The following DNAH8 variants were observed in gnomAD, a reference collection of about 807,000 sequenced individuals.
The protein encoded by DNAH8 is axonemal beta dynein heavy chain 8.
In DNAH8, 382 loss-of-function variants were observed where a neutral mutation model predicts 562.1. The ratio of observed to expected loss-of-function variants is 0.68; its 90% CI spans 0.63 to 0.74. The LOEUF is 0.74. DNAH8 is among the 30% of genes least tolerant of loss of function. DNAH8 has a pLI of 0.00. For synonymous variants in DNAH8, 1,881 were observed against 1,919.4 expected (o/e 0.98, Z 0.52); for missense variants, 5,203 against 5,620.4 (o/e 0.93, Z 2.37).
At chr6:38,869,148 A>C (rs76601092) in intron 48 of DNAH8, among the ~76,000 whole-genome samples, 1 of 152,148 alleles carries the variant, frequency 6.6e-6, no homozygotes, top group Admixed American at 6.5e-5. Flanking sequence ...TAGTGTTACA[A>C]AGTCTTTTCA....
chr6:38,873,453 A>T, intron 52 of DNAH8, 77 bp downstream of exon 52: 1 of 1,322,244 alleles, frequency 7.6e-7, no homozygotes, highest in Non-Finnish European at 1.0e-6. Flanking sequence ...AGCCATCTGA[A>T]ATAGAAAGTT....
chr6:38,955,063 G>T (rs562049957), intron 82 of DNAH8, among the ~76,000 whole-genome samples: 1 of 152,100 alleles, frequency 6.6e-6, no homozygotes, highest in Non-Finnish European at 1.5e-5. Flanking sequence ...GACCTCCCAG[G>T]CTCAAGTGAT....
chr6:38,895,953 T>G, intron 59 of DNAH8, 80 bp from the exon 60 acceptor site: 1 of 1,225,972 alleles, frequency 8.2e-7, no homozygotes, highest in Non-Finnish European at 1.2e-6. Flanking sequence ...AGGGTGGGGC[T>G]GAGAAGAGGC....
chr6:39,011,736 C>A (rs1169928585), intron 89 of DNAH8, among the ~76,000 whole-genome samples: 1 of 152,182 alleles, frequency 6.6e-6, no homozygotes, highest in African/African-American at 2.4e-5. Context: ...GCTAAGGCAA[C>A]AATGATCTTT....
In DNAH8 at chr6:38,737,836, T is replaced by C; in HGVS notation, c.980T>C (p.Val327Ala). 6.4e-7 allele frequency: 1 copy of C among 1,559,898 alleles called. No homozygotes were observed. The highest frequency in any genetic ancestry group is 1.2e-5 in the South Asian group (1 of 82,174). The change falls in exon 7 of 93, where the codon GTG (valine) becomes GCG (alanine). Residue 327 changes from valine to alanine, a missense_variant. By Grantham distance (64) the Val-to-Ala change is moderately conservative (BLOSUM62 0). Coordinates refer to ENST00000327475, the MANE Select transcript of DNAH8 (RefSeq NM_001206927.2). Reference protein sequence around the residue: ...DGARISIEGTVKLKTIDNVNF... With the variant: ...DGARISIEGTAKLKTIDNVNF... ...GCTAGAATAAGTATTGAGGGAACAG[T>C]GAAGTTAAAGACAATAGACAATGTT...
intron 18 of DNAH8, among the ~76,000 whole-genome samples, chr6:38,789,014 G>T (rs966359948): frequency 1.3e-5 from 2 of 152,098 alleles, no homozygotes; most frequent in Non-Finnish European, 2.9e-5. Flanking sequence ...TTTTTTACTG[G>T]CTAGCTGTGA....
At chr6:38,906,212 T>C in intron 62 of DNAH8, 42 bp from the exon 63 acceptor site, 1 of 1,397,476 alleles carries the variant, frequency 7.2e-7, no homozygotes, top group Non-Finnish European at 9.9e-7. Flanking sequence ...CAGCCGACTA[T>C]ATATTTTTTA....
At chr6:38,923,767 G>A (rs1265315589) in intron 72 of DNAH8, among the ~76,000 whole-genome samples, 1 of 152,120 alleles carries the variant, frequency 6.6e-6, no homozygotes, top group Non-Finnish European at 1.5e-5. Context: ...GGCTTCAGGA[G>A]GAAGCCTTCT....
At chr6:38,949,654 T>TGAG in intron 81 of DNAH8, 84 bp downstream of exon 81, 1 of 797,884 alleles carries the variant, frequency 1.3e-6, no homozygotes, top group Non-Finnish European at 2.1e-6. Flanking sequence ...TTTACTTCAC[T>TGAG]ATATCACTGT....
intron 65 of DNAH8, among the ~76,000 whole-genome samples, chr6:38,911,038 G>A (rs1780852575): frequency 6.6e-6 from 1 of 152,210 alleles, no homozygotes; most frequent in Admixed American, 6.5e-5. Context: ...CAGCAGTGAA[G>A]AGGTTGTAAC....
intron 86 of DNAH8, among the ~76,000 whole-genome samples, chr6:38,983,619 C>A (rs1764179548): frequency 6.6e-6 from 1 of 152,040 alleles, no homozygotes; most frequent in South Asian, 2.1e-4. Context: ...TCAAATGTAT[C>A]AAGGGTTTAA....
chr6:38,861,252 C>T (rs1282728136), intron 43 of DNAH8, among the ~76,000 whole-genome samples: 3 of 152,196 alleles, frequency 2.0e-5, no homozygotes, highest in Non-Finnish European at 2.9e-5. Context: ...TCTTCAGCCT[C>T]CTTTTGATTT....
chr6:39,002,613 A>T (rs1318453671), intron 88 of DNAH8, among the ~76,000 whole-genome samples: 2 of 152,198 alleles, frequency 1.3e-5, no homozygotes, highest in Admixed American at 6.5e-5. Flanking sequence ...AACTTTTAAG[A>T]TAAGTGTCTT....
At chr6:38,842,633 G>A (rs1774909655) in intron 34 of DNAH8, 30 bp from the exon 35 acceptor site, 6 of 1,602,364 alleles carry the variant, frequency 3.7e-6, no homozygotes, top group South Asian at 1.1e-5. Flanking sequence ...TGTGAAGGTG[G>A]CATATTTTTT....
chr6:38,872,384 T>C, intron 49 of DNAH8, 152 bp from the exon 50 acceptor site: 1 of 755,998 alleles, frequency 1.3e-6, no homozygotes, highest in Non-Finnish European at 2.1e-6. Context: ...GCTATGCACA[T>C]CTAGTAAAAC....
At chr6:38,723,594 G>C in intron 3 of DNAH8, 123 bp downstream of exon 3, 1 of 1,271,822 alleles carries the variant, frequency 7.9e-7, no homozygotes, top group Admixed American at 2.3e-5. Context: ...CAAAGTTGGG[G>C]CAGGGCACAG....
At chr6:38,835,572 GA>G (rs1774209639) in intron 32 of DNAH8, among the ~76,000 whole-genome samples, 1 of 152,190 alleles carries the variant, frequency 6.6e-6, no homozygotes, top group Non-Finnish European at 1.5e-5. Context: ...GGACTAATTA[GA>G]GTTAGCCAGG....
At position 38,789,690 on chromosome 6, in the gene DNAH8, G is replaced by A. The variant is rs957955765; in HGVS notation, c.2584-113G>A. The A allele has an allele frequency of 1.0e-5, 7 of 694,740 alleles. No individual in the cohort carries two copies. In the African/African-American group the frequency reaches 1.3e-4, roughly 13 times the overall value. 43.0% of individuals were successfully genotyped at this position (694,740 alleles called of 1,614,324 possible). A position where few individuals can be genotyped will look rare whatever the true frequency, so the allele number is the denominator to read the frequency against. ...ATAAGTTTAAATGGGCAGCTGTCATGATGACAGGACTACGAGGAAACTGGG... is the reference window on the plus strand; with the variant it reads ...ATAAGTTTAAATGGGCAGCTGTCATAATGACAGGACTACGAGGAAACTGGG... On this transcript the variant is annotated intron_variant, in intron 18 of 92. Transcript: ENST00000327475.
At chr6:38,983,094 C>T (rs192723576) in intron 86 of DNAH8, among the ~76,000 whole-genome samples, 12 of 152,298 alleles carry the variant, frequency 7.9e-5, no homozygotes, top group African/African-American at 2.9e-4. Context: ...AATCTGTTGT[C>T]CTTTCACACA....
Sources: gnomAD v4.1 joint callset for allele counts (sites outside exome capture counted in the v4.1 genomes callset) on GRCh38, gnomAD v4.1.1 for gene constraint, MANE v1.5 for transcripts, NCBI Gene and HGNC (gene_info 2026-07-23, HGNC 2026-07-21) for gene names.